The following GRIK3 variants were observed in gnomAD, a reference collection of about 807,000 sequenced individuals.
GRIK3 encodes glutamate receptor ionotropic, kainate 3.
In GRIK3, 29 loss-of-function variants were observed where a neutral mutation model predicts 102.5. The ratio of observed to expected loss-of-function variants is 0.28; its 90% confidence interval spans 0.21 to 0.39. The LOEUF is 0.39. Among genes scored for constraint, GRIK3 ranks in the 10% least tolerant of loss-of-function variants. GRIK3 has a pLI of 1.00. For missense variants in GRIK3, 908 were observed against 1,252.4 expected, an observed-to-expected ratio of 0.73 and a Z score of 4.15; for synonymous variants, 511 against 504.9, an observed-to-expected ratio of 1.01 and a Z score of -0.16.
chr1:36,902,549 A>C (rs1232608041), intron 1 of GRIK3, among the ~76,000 whole-genome samples: 12 of 152,246 alleles, frequency 7.9e-5, no homozygotes, highest in Non-Finnish European at 1.6e-4. Context: ...ATCTAGACAC[A>C]GACCTTACAC....
chr1:36,879,930 A>AG (rs1640950183), intron 3 of GRIK3, among the ~76,000 whole-genome samples: 1 of 152,080 alleles, frequency 6.6e-6, no homozygotes, highest in African/African-American at 2.4e-5. Flanking sequence ...TGGGTATGGC[A>AG]GGGGCTGGTG....
At chr1:36,920,259 C>G (rs1432984558) in intron 1 of GRIK3, among the ~76,000 whole-genome samples, 1 of 152,196 alleles carries the variant, frequency 6.6e-6, no homozygotes, top group African/African-American at 2.4e-5. Context: ...AGCTCAGAAA[C>G]TAACTAGCTG....
intron 1 of GRIK3, among the ~76,000 whole-genome samples, chr1:36,952,443 T>A (rs1641856458): frequency 6.6e-6 from 1 of 152,242 alleles, no homozygotes; most frequent in Non-Finnish European, 1.5e-5. Context: ...CAAATCTGGA[T>A]GTGAACCTCC....
Position 36,880,971 on chromosome 1 carries a change from A to G in GRIK3, c.293-80T>C. On this transcript the variant is annotated intron_variant, in intron 2 of 15. Coordinates refer to ENST00000373091, the MANE Select transcript of GRIK3 (RefSeq NM_000831.4). This position sits in a 1 kb window ranked among gnomAD's most constrained non-coding sequence, Gnocchi z 5.4. ...GACAGTGATGCTGATGATCCTGTAA[A>G]CATGTGGGAAAAACAGCAACTGGAA... The G allele has an allele frequency of 6.9e-7, 1 of 1,452,700 alleles. No homozygotes were observed. Among genetic ancestry groups the G allele is most frequent in the Non-Finnish European group, 9.3e-7 (1 of 1,080,246 alleles). 90.0% of individuals were successfully genotyped at this position (1,452,700 alleles called of 1,614,324 possible).
intron 3 of GRIK3, among the ~76,000 whole-genome samples, chr1:36,876,349 C>G (rs956191160): frequency 6.6e-6 from 1 of 151,922 alleles, no homozygotes; most frequent in Non-Finnish European, 1.5e-5. Flanking sequence ...AGAGTGAGAC[C>G]CTGTCTCTAA....
At position 36,899,230 on chromosome 1, in the gene GRIK3, G is replaced by C. The variant is rs80024789; in HGVS notation, c.116-8134C>G. Among the ~76,000 whole-genome samples, 109 of 152,206 alleles carry C rather than the reference G, an allele frequency of 7.2e-4. 2 individuals carry two copies. The South Asian group carries it at 8.7e-3, about 12-fold the overall frequency. Reference sequence around the variant, plus strand: ...TGTATATCAAAAGACACTATTAACAGAGTAAAATGCAACCTATAGAATGCG... The same window carrying C: ...TGTATATCAAAAGACACTATTAACACAGTAAAATGCAACCTATAGAATGCG... On this transcript the variant is annotated intron_variant, in intron 1 of 15. Coordinates refer to ENST00000373091, the MANE Select transcript of GRIK3 (RefSeq NM_000831.4).
At chr1:36,899,840 T>TGAAG (rs1283748687) in intron 1 of GRIK3, among the ~76,000 whole-genome samples, 1 of 152,196 alleles carries the variant, frequency 6.6e-6, no homozygotes, top group Non-Finnish European at 1.5e-5. Flanking sequence ...TACATAATGA[T>TGAAG]GAAGGGGTCA....
At chr1:37,027,670 T>C (rs1269484751) in intron 1 of GRIK3, among the ~76,000 whole-genome samples, 1 of 152,148 alleles carries the variant, frequency 6.6e-6, no homozygotes, top group Non-Finnish European at 1.5e-5. Context: ...GGCAGTATCA[T>C]CCCCATTTTA....
intron 1 of GRIK3, among the ~76,000 whole-genome samples, chr1:36,913,261 G>T (rs1029679267): frequency 6.6e-6 from 1 of 152,180 alleles, no homozygotes; most frequent in South Asian, 2.1e-4. Flanking sequence ...CCTGCCACCA[G>T]CAGCCCCTCT....
intron 1 of GRIK3, among the ~76,000 whole-genome samples, chr1:37,003,875 G>A (rs1037540738): frequency 1.3e-5 from 2 of 152,046 alleles, no homozygotes; most frequent in African/African-American, 4.8e-5. Flanking sequence ...CACCCCACAG[G>A]CTCCCCAGCT....
chr1:36,891,030 CG>C lies in GRIK3; in HGVS notation c.181del (p.Arg61AspfsTer19). ...QVMNAEEHAF[R>X]FSANIINRNR... ...CCTGTTGATGATGTTGGCAGAAAATCGAAAGGCATGCTCCTCGGCATTCATG... is the reference window on the plus strand; with the variant it reads ...CCTGTTGATGATGTTGGCAGAAAATCAAAGGCATGCTCCTCGGCATTCATG... On this transcript the variant is annotated frameshift_variant, in exon 2 of 16. Coordinates refer to ENST00000373091, the MANE Select transcript of GRIK3 (RefSeq NM_000831.4). LOFTEE classifies it high-confidence loss of function. The C allele has an allele frequency of 6.2e-7, 1 of 1,614,032 alleles. No individual in the cohort carries two copies. Among genetic ancestry groups the C allele is most frequent in the Non-Finnish European group, 8.5e-7 (1 of 1,179,918 alleles).
intron 3 of GRIK3, among the ~76,000 whole-genome samples, chr1:36,877,861 T>C (rs1640927051): frequency 6.6e-6 from 1 of 152,224 alleles, no homozygotes; most frequent in African/African-American, 2.4e-5. Flanking sequence ...GTGGTCTGGC[T>C]CTGACTAAAT....
chr1:36,864,844 T>TG, intron 5 of GRIK3, among the ~76,000 whole-genome samples: 1 of 151,240 alleles, frequency 6.6e-6, no homozygotes, highest in East Asian at 1.9e-4. Context: ...CAGCTCCATT[T>TG]TTTTTTTTTT....
chr1:36,814,049 A>G (rs72668140), intron 13 of GRIK3, among the ~76,000 whole-genome samples: 14 of 152,254 alleles, frequency 9.2e-5, no homozygotes, highest in African/African-American at 2.6e-4. Context: ...CCAGCATCCC[A>G]GACAGGTGAC....
chr1:36,834,844 C>T (rs1196266109), intron 10 of GRIK3, among the ~76,000 whole-genome samples: 1 of 152,232 alleles, frequency 6.6e-6, no homozygotes, highest in Non-Finnish European at 1.5e-5. Context: ...GCTGCAGCCC[C>T]AGCCAGGCCC....
At chr1:36,822,799 G>A (rs1642710116) in intron 11 of GRIK3, among the ~76,000 whole-genome samples, 1 of 152,274 alleles carries the variant, frequency 6.6e-6, no homozygotes, top group East Asian at 1.9e-4. Context: ...CAGGCACTTA[G>A]GATCATCCCC....
intron 7 of GRIK3, 123 bp from the exon 8 acceptor site, chr1:36,853,845 A>G: frequency 1.1e-5 from 7 of 657,578 alleles, no homozygotes. Flanking sequence ...GACCATGATT[A>G]ATTAATAATC....
intron 11 of GRIK3, among the ~76,000 whole-genome samples, chr1:36,824,683 AGGGGCT>A (rs907620565): frequency 3.9e-5 from 6 of 152,138 alleles, no homozygotes; most frequent in Non-Finnish European, 4.4e-5. Context: ...GGACCAGATC[AGGGGCT>A]GGGGCTGGAG....
At chr1:36,865,050 G>T (rs1235187023) in intron 5 of GRIK3, among the ~76,000 whole-genome samples, 1 of 152,180 alleles carries the variant, frequency 6.6e-6, no homozygotes, top group Non-Finnish European at 1.5e-5. Flanking sequence ...GGTCTGAATG[G>T]GTAGGAGCTG....
Sources: allele counts gnomAD v4.1 joint callset (sites outside exome capture counted in the v4.1 genomes callset), GRCh38; gene constraint gnomAD v4.1.1; non-coding constraint Gnocchi (gnomAD v3.1); transcripts MANE v1.5; gene names NCBI Gene and HGNC (gene_info 2026-07-23, HGNC 2026-07-21).